Variants in LRBA observed in about 807,000 individuals in gnomAD.
LRBA encodes lipopolysaccharide-responsive and beige-like anchor protein.
LRBA carries 176 observed loss-of-function variants against 330.0 expected under a neutral mutation model. The ratio of observed to expected loss-of-function variants is 0.53; its 90% CI spans 0.47 to 0.60. The LOEUF (loss-of-function observed/expected upper bound fraction) is 0.60. LRBA is among the 20% of genes least tolerant of loss of function. LRBA has a pLI of 0.00. For missense variants in LRBA, 3,259 were observed against 3,444.8 expected (o/e 0.95, Z 1.35); for synonymous variants, 1,230 against 1,193.0 (o/e 1.03, Z -0.64).
intron 2 of LRBA, among the ~76,000 whole-genome samples, chr4:150,976,798 G>A (rs761284379): frequency 2.0e-5 from 3 of 152,272 alleles, no homozygotes; most frequent in Non-Finnish European, 2.9e-5. Flanking sequence ...GAGCACCTAC[G>A]CGCCTGGGAG....
At chr4:150,421,361 T>C (rs1211571205) in intron 46 of LRBA, among the ~76,000 whole-genome samples, 1 of 146,988 alleles carries the variant, frequency 6.8e-6, no homozygotes, top group Non-Finnish European at 1.5e-5. Context: ...TATATACATA[T>C]ATACACATAC....
chr4:150,278,810 T>TC (rs1288219535), intron 55 of LRBA, among the ~76,000 whole-genome samples: 2 of 150,554 alleles, frequency 1.3e-5, no homozygotes, highest in African/African-American at 4.9e-5. Context: ...CAAATTTGAA[T>TC]CCCCATAAAC....
At chr4:150,313,401 G>A (rs1202785632) in intron 51 of LRBA, among the ~76,000 whole-genome samples, 7 of 152,112 alleles carry the variant, frequency 4.6e-5, no homozygotes, top group African/African-American at 1.7e-4. Context: ...ATGCCAGAAT[G>A]TATAACCTTT....
chr4:150,455,235 T>A lies in LRBA; in HGVS notation c.6780+12438A>T, dbSNP rs147619284. Among the ~76,000 whole-genome samples the A allele has an allele frequency of 8.3e-3, 1,256 of 152,050 alleles. 9 individuals carry two copies. The highest frequency in any genetic ancestry group is 0.028 in the African/African-American group (1,178 of 41,452). ...TGAGAATATGTGGTGTTTGGTTTTTTGTTCTTGCGATAGAAATACCATTTG... is the reference window on the plus strand; with the variant it reads ...TGAGAATATGTGGTGTTTGGTTTTTAGTTCTTGCGATAGAAATACCATTTG... On this transcript the variant is annotated intron_variant, in intron 44 of 56. Coordinates refer to ENST00000651943, the MANE Select transcript of LRBA (RefSeq NM_001364905.1).
chr4:150,507,542 T>C (rs1339604130), intron 40 of LRBA, among the ~76,000 whole-genome samples: 4 of 152,190 alleles, frequency 2.6e-5, no homozygotes, highest in African/African-American at 9.6e-5. Context: ...AAGCTGAAAC[T>C]GGATCCCTTC....
intron 22 of LRBA, among the ~76,000 whole-genome samples, chr4:150,859,694 T>C (rs1336534589): frequency 6.6e-6 from 1 of 152,218 alleles, no homozygotes; most frequent in African/African-American, 2.4e-5. Context: ...TCTATCAAAC[T>C]GGACAATAAA....
At chr4:150,808,881 G>A (rs958359942) in intron 31 of LRBA, among the ~76,000 whole-genome samples, 1 of 152,188 alleles carries the variant, frequency 6.6e-6, no homozygotes, top group South Asian at 2.1e-4. Flanking sequence ...CTAGATCTCT[G>A]AGAATCTGTA....
intron 8 of LRBA, 23 bp downstream of exon 8, chr4:150,915,585 T>C: frequency 6.3e-7 from 1 of 1,587,744 alleles, no homozygotes; most frequent in Non-Finnish European, 8.5e-7. Context: ...CTTTTTTCAT[T>C]GCAACATTTT....
At chr4:150,489,278 TTA>T (rs1272522258) in intron 41 of LRBA, among the ~76,000 whole-genome samples, 1 of 59,002 alleles carries the variant, frequency 1.7e-5, no homozygotes, top group African/African-American at 7.3e-5. Flanking sequence ...ATATAATATA[TTA>T]TATATAAGAA....
At chr4:150,271,313 G>GT (rs34560876) in intron 56 of LRBA, among the ~76,000 whole-genome samples, 38,477 of 143,934 alleles carry the variant, frequency 0.27, 5,139 homozygotes, top group Non-Finnish European at 0.3. Context: ...AGCTGCAGGA[G>GT]TTTTTTTTTT....
intron 2 of LRBA, among the ~76,000 whole-genome samples, chr4:150,977,430 C>T (rs1740313398): frequency 6.6e-6 from 1 of 152,134 alleles, no homozygotes; most frequent in Non-Finnish European, 1.5e-5. Context: ...AAGGGAATGA[C>T]CCAATCCTGG....
intron 44 of LRBA, among the ~76,000 whole-genome samples, chr4:150,441,577 C>A (rs1333979037): frequency 6.6e-6 from 1 of 151,768 alleles, no homozygotes. Context: ...GGAACTCTTA[C>A]CTGAAGTTAT....
intron 36 of LRBA, among the ~76,000 whole-genome samples, chr4:150,700,123 T>G (rs1317757955): frequency 1.3e-5 from 2 of 152,212 alleles, no homozygotes; most frequent in Non-Finnish European, 2.9e-5. Context: ...GTCCCAAGCA[T>G]TCTGGATACG....
intron 36 of LRBA, among the ~76,000 whole-genome samples, chr4:150,717,303 A>G (rs2127063639): frequency 6.6e-6 from 1 of 152,286 alleles, no homozygotes; most frequent in South Asian, 2.1e-4. Flanking sequence ...ACTCACAAAA[A>G]TGTTCACTAT....
At chr4:150,353,599 G>T (rs1212454347) in intron 47 of LRBA, among the ~76,000 whole-genome samples, 1 of 152,134 alleles carries the variant, frequency 6.6e-6, no homozygotes, top group Non-Finnish European at 1.5e-5. Flanking sequence ...AGATTTCGAT[G>T]CTTAAAGCTT....
chr4:150,471,290 A>G (rs1005079400), intron 43 of LRBA, among the ~76,000 whole-genome samples: 22 of 152,230 alleles, frequency 1.4e-4, no homozygotes, highest in African/African-American at 5.1e-4. Context: ...ATCCATCCTT[A>G]TACAACCATT....
At chr4:150,503,541 G>C (rs1760600273) in intron 40 of LRBA, among the ~76,000 whole-genome samples, 1 of 152,118 alleles carries the variant, frequency 6.6e-6, no homozygotes, top group Non-Finnish European at 1.5e-5. Context: ...CTGTCTGTTA[G>C]AAGGAAAACT....
chr4:150,871,309 G>A (rs755763973), intron 19 of LRBA, 36 bp downstream of exon 19: 1 of 1,132,974 alleles, frequency 8.8e-7, no homozygotes, highest in Non-Finnish European at 1.3e-6. Context: ...TTTATAATAA[G>A]AAATTTAGAG....
intron 37 of LRBA, among the ~76,000 whole-genome samples, chr4:150,655,025 G>C (rs1581936718): frequency 6.6e-6 from 1 of 152,060 alleles, no homozygotes; most frequent in African/African-American, 2.4e-5. Context: ...TGTCTTTATA[G>C]CAGCATGATT....
Sources: allele counts gnomAD v4.1 joint callset (sites outside exome capture counted in the v4.1 genomes callset), GRCh38; gene constraint gnomAD v4.1.1; transcripts MANE v1.5; gene names NCBI Gene and HGNC (gene_info 2026-07-23, HGNC 2026-07-21).